FRMD6: variants seen among roughly 807,000 people sequenced by gnomAD.
The protein encoded by FRMD6 is FERM domain containing 6, also known as FERM domain-containing protein 6.
In FRMD6, 37 loss-of-function variants were observed where a neutral mutation model predicts 73.2. That is an observed-to-expected ratio of 0.51 (90% CI 0.39 to 0.66). The LOEUF (loss-of-function observed/expected upper bound fraction) is 0.66. FRMD6 is among the 30% of genes least tolerant of loss of function. The pLI, the probability that FRMD6 is intolerant of heterozygous loss-of-function variation, is 0.00. For missense variants in FRMD6, 714 were observed against 780.5 expected, an observed-to-expected ratio of 0.91 and a Z score of 1.02; for synonymous variants, 273 against 282.2, an observed-to-expected ratio of 0.97 and a Z score of 0.33.
chr14:51,585,396 ACAATTTAAGTGTTTACC>A (rs1490219229), intron 2 of FRMD6, among the ~76,000 whole-genome samples: 3 of 152,182 alleles, frequency 2.0e-5, no homozygotes, highest in Non-Finnish European at 4.4e-5. Context: ...TGATGAGGCT[ACAATTTAAGTGTTTACC>A]CAATTTAAGT....
At chr14:51,606,630 A>T (rs1400894563) in intron 2 of FRMD6, among the ~76,000 whole-genome samples, 3 of 152,198 alleles carry the variant, frequency 2.0e-5, no homozygotes, top group Non-Finnish European at 4.4e-5. Flanking sequence ...GGGAGGTTGC[A>T]TGTATTAGTT....
intron 7 of FRMD6, among the ~76,000 whole-genome samples, chr14:51,710,030 T>G (rs1246647137): frequency 6.6e-6 from 1 of 152,166 alleles, no homozygotes; most frequent in Non-Finnish European, 1.5e-5. Flanking sequence ...GCTTTTTGCC[T>G]TATTTGCTGG....
At chr14:51,457,003 A>T in the FRMD6 span, among the ~76,000 whole-genome samples, 2 of 152,228 alleles carry the variant, frequency 1.3e-5, no homozygotes, top group African/African-American at 4.8e-5. Context: ...AGAGAGGAAA[A>T]TGAGGAAATA....
the FRMD6 span, among the ~76,000 whole-genome samples, chr14:51,475,876 A>G: frequency 6.6e-6 from 1 of 152,164 alleles, no homozygotes; most frequent in Admixed American, 6.5e-5. Context: ...GAGAATGTCT[A>G]CTAACGTAAT....
At chr14:51,561,720 A>T (rs1019511178) in intron 1 of FRMD6, among the ~76,000 whole-genome samples, 1 of 152,204 alleles carries the variant, frequency 6.6e-6, no homozygotes, top group Non-Finnish European at 1.5e-5. Context: ...TTTCCATGTT[A>T]ATGGATATGT....
chr14:51,493,349 T>C (rs1883120875), intron 1 of FRMD6, among the ~76,000 whole-genome samples: 1 of 152,240 alleles, frequency 6.6e-6, no homozygotes, highest in East Asian at 1.9e-4. Context: ...GTAGCTCCCA[T>C]AATTCCCATA....
intron 2 of FRMD6, among the ~76,000 whole-genome samples, chr14:51,622,158 T>C (rs1289459421): frequency 6.6e-6 from 1 of 152,214 alleles, no homozygotes; most frequent in Non-Finnish European, 1.5e-5. Context: ...ACTTGTAGGA[T>C]GTTGTCTGTG....
the FRMD6 span, among the ~76,000 whole-genome samples, chr14:51,473,596 A>C: frequency 2.0e-5 from 3 of 152,166 alleles, no homozygotes; most frequent in Non-Finnish European, 4.4e-5. Context: ...TATTACCTGG[A>C]TTCTCACCAA....
At chr14:51,515,123 C>T (rs1243513458) in intron 1 of FRMD6, among the ~76,000 whole-genome samples, 5 of 151,908 alleles carry the variant, frequency 3.3e-5, no homozygotes, top group African/African-American at 1.2e-4. Flanking sequence ...ATCACACATT[C>T]CCCTCTCATT....
At chr14:51,427,834 C>T in the FRMD6 span, among the ~76,000 whole-genome samples, 136,703 of 152,244 alleles carry the variant, frequency 0.9, 61,583 homozygotes, top group Non-Finnish European at 0.92. Flanking sequence ...ATCTACACCA[C>T]AGAAATTGGC....
chr14:51,661,327 T>G (rs1233870614), intron 1 of FRMD6, among the ~76,000 whole-genome samples: 1 of 152,138 alleles, frequency 6.6e-6, no homozygotes, highest in Non-Finnish European at 1.5e-5. Context: ...ATCCAAGAAG[T>G]GTTTTAAGCC....
At chr14:51,549,822 C>G (rs990923841) in intron 1 of FRMD6, among the ~76,000 whole-genome samples, 1 of 151,972 alleles carries the variant, frequency 6.6e-6, no homozygotes, top group Non-Finnish European at 1.5e-5. Context: ...ATCTCGATCT[C>G]CTGACCTCGT....
rs1326956772 is a variant in FRMD6, at chr14:51,728,628, A to G, written c.*599A>G. 6.5e-6 allele frequency: 1 copy of G among 153,774 alleles called. No individual in the cohort carries two copies. Among genetic ancestry groups the G allele is most frequent in the Non-Finnish European group, 1.5e-5 (1 of 68,866 alleles). 9.5% of individuals were successfully genotyped at this position (153,774 alleles called of 1,614,324 possible). A position where few individuals can be genotyped will look rare whatever the true frequency, so the allele number is the denominator to read the frequency against. On this transcript the variant is annotated 3_prime_UTR_variant, in exon 14 of 14. Transcript: ENST00000344768. ...GAAGCACATAAGCAATAAGCAGAAA[A>G]CCAGAAGTGCATGCTGTGATGCCTG...
chr14:51,582,108 G>A (rs762032307), intron 2 of FRMD6, among the ~76,000 whole-genome samples: 3 of 152,134 alleles, frequency 2.0e-5, no homozygotes, highest in Non-Finnish European at 4.4e-5. Flanking sequence ...TTGTGACTAC[G>A]TCATACATAC....
chr14:51,652,213 C>CGGT (rs370898085), intron 1 of FRMD6: 45 of 152,478 alleles, frequency 3.0e-4, no homozygotes, highest in African/African-American at 1.1e-3. Flanking sequence ...TGTCGGGCAC[C>CGGT]GGTGGTAAGG....
At chr14:51,492,712 C>G (rs1043088343) in intron 1 of FRMD6, among the ~76,000 whole-genome samples, 26 of 152,140 alleles carry the variant, frequency 1.7e-4, no homozygotes, top group Non-Finnish European at 1.0e-4. Flanking sequence ...ATTAATTGAA[C>G]AGGTAGTGTG....
At chr14:51,476,992 G>A in the FRMD6 span, among the ~76,000 whole-genome samples, 3 of 152,198 alleles carry the variant, frequency 2.0e-5, no homozygotes, top group African/African-American at 4.8e-5. Context: ...AGCGTTCAGC[G>A]AGAAGACAGA....
At chr14:51,520,098 G>T (rs544490051) in intron 1 of FRMD6, among the ~76,000 whole-genome samples, 2 of 152,274 alleles carry the variant, frequency 1.3e-5, no homozygotes, top group South Asian at 2.1e-4. Flanking sequence ...TGTGCCAGGT[G>T]TATATAAAGA....
chr14:51,505,128 TTAGGACTTGA>T (rs1365026365), intron 1 of FRMD6, among the ~76,000 whole-genome samples: 1 of 152,208 alleles, frequency 6.6e-6, no homozygotes, highest in East Asian at 1.9e-4. Flanking sequence ...TGCATTGTTG[TTAGGACTTGA>T]GAGAACTAAG....
Sources: allele counts gnomAD v4.1 joint callset (sites outside exome capture counted in the v4.1 genomes callset), GRCh38; gene constraint gnomAD v4.1.1; transcripts MANE v1.5; gene names NCBI Gene and HGNC (gene_info 2026-07-23, HGNC 2026-07-21).